The following HSD3B2 variants were observed in gnomAD, a reference collection of about 807,000 sequenced individuals.
HSD3B2 encodes the protein hydroxy-delta-5-steroid dehydrogenase, 3 beta- and steroid delta-isomerase 2.
Under a neutral mutation model 9.9 loss-of-function variants are expected in HSD3B2, and 8 were observed. That is an observed-to-expected ratio of 0.81 (90% CI 0.47 to 1.46). The LOEUF is 1.46. HSD3B2 is among the 40% of genes most tolerant of loss of function. The probability of loss-of-function intolerance (pLI) is 0.00; values close to 1 mark genes in which losing one functional copy is unlikely to be tolerated. For synonymous variants in HSD3B2, 221 were observed against 184.5 expected (o/e 1.20, Z -1.60); for missense variants, 410 against 448.3 (o/e 0.91, Z 0.77).
chr1:119,416,791 A>G (rs1031289613), intron 2 of HSD3B2, among the ~76,000 whole-genome samples: 1 of 152,210 alleles, frequency 6.6e-6, no homozygotes, highest in African/African-American at 2.4e-5. Flanking sequence ...CTGTTCTAAT[A>G]GTGAACAGAT....
chr1:119,419,926 C>T (rs866271755), intron 3 of HSD3B2: 18 of 340,982 alleles, frequency 5.3e-5, no homozygotes, highest in Admixed American at 8.1e-5. Flanking sequence ...TTCAAATTCA[C>T]GATATCCAGC....
At chr1:119,415,869 T>C (rs1408735451) in intron 2 of HSD3B2, among the ~76,000 whole-genome samples, 1 of 152,176 alleles carries the variant, frequency 6.6e-6, no homozygotes, top group Non-Finnish European at 1.5e-5. Flanking sequence ...TCTTATGTTC[T>C]GAAGCTTTTT....
At chr1:119,416,219 G>A (rs1174712430) in intron 2 of HSD3B2, among the ~76,000 whole-genome samples, 1 of 152,076 alleles carries the variant, frequency 6.6e-6, no homozygotes, top group African/African-American at 2.4e-5. Flanking sequence ...AAGAGAGAAA[G>A]AGAGCATGCA....
intron 2 of HSD3B2, among the ~76,000 whole-genome samples, chr1:119,418,555 T>G (rs1193018867): frequency 6.6e-6 from 1 of 152,002 alleles, no homozygotes; most frequent in Non-Finnish European, 1.5e-5. Flanking sequence ...CCTATACCAG[T>G]CTGTTTTATA....
chr1:119,422,365 C>T lies in HSD3B2; in HGVS notation c.864C>T (p.Thr288=). ...ATTCCAGATGGAGCCTTCCTTTAAC[C>T]CTGATGTACTGGATTGGCTTCCTGC... ...RLDSRWSLPL[T]LMYWIGFLLE... Residue 288 remains threonine (T), a synonymous_variant, in exon 4 of 4, where the codon ACC becomes ACT. Coordinates refer to ENST00000369416, the MANE Select transcript of HSD3B2 (RefSeq NM_000198.4). The T allele has an allele frequency of 2.5e-6, 4 of 1,614,160 alleles. No homozygotes were observed. Among genetic ancestry groups the T allele is most frequent in the South Asian group, 1.1e-5 (1 of 91,080 alleles).
Position 119,422,006 on chromosome 1 carries a change from A to G in HSD3B2, c.505A>G (p.Asn169Asp). 6.2e-7 allele frequency: 1 copy of G among 1,614,094 alleles called. No individual in the cohort carries two copies. Among genetic ancestry groups the G allele is most frequent in the South Asian group, 1.1e-5 (1 of 91,084 alleles). ...TGCTGAGAAGGCTGTGCTGGCGGCTAATGGGTGGAATCTAAAAAATGGTGA... is the reference window on the plus strand; with the variant it reads ...TGCTGAGAAGGCTGTGCTGGCGGCTGATGGGTGGAATCTAAAAAATGGTGA... ...KLAEKAVLAA[N>D]GWNLKNGDTL... The change falls in exon 4 of 4, where the codon AAT becomes GAT. Residue 169 changes from asparagine to aspartate, a missense_variant. Asn to Asp is a conservative substitution (Grantham distance 23). Transcript: ENST00000369416.
rs372247413 is a variant in HSD3B2 at position 119,421,477 on chromosome 1, G to GTATATATATATATGTATATATATATGTA, written c.308-321_308-320insATGTATATATATATGTATATATATATAT. Among the ~76,000 whole-genome samples, 9 of 49,852 alleles carry GTATATATATATATGTATATATATATGTA rather than the reference G, an allele frequency of 1.8e-4. No individual in the cohort carries two copies. The East Asian group carries it at 5.0e-3, about 28-fold the overall frequency. The allele number at this position is 49,852 out of a possible 152,430, so 32.7% of individuals were successfully genotyped here. ...TGTATATATATATGTATATATATAT[G>GTATATATATATATGTATATATATATGTA]TATATATATATTTTATAATATATAT... On this transcript the variant is annotated intron_variant, in intron 3 of 3. Transcript: ENST00000369416.
Position 119,422,028 on chromosome 1 carries a change from GTGATACCT to G in HSD3B2, c.530_537del (p.Asp177ValfsTer24). The G allele has an allele frequency of 1.9e-6, 3 of 1,614,120 alleles. No homozygotes were observed. The highest frequency in any genetic ancestry group is 2.5e-6 in the Non-Finnish European group (3 of 1,179,990). On this transcript the variant is annotated frameshift_variant, in exon 4 of 4. Coordinates refer to ENST00000369416, the MANE Select transcript of HSD3B2 (RefSeq NM_000198.4). LOFTEE classifies it low-confidence loss of function (END_TRUNC). ...GCTAATGGGTGGAATCTAAAAAATG[GTGATACCT>G]TGTACACTTGTGCGTTAAGACCCAC...
At chr1:119,421,100 T>A (rs1029562324) in intron 3 of HSD3B2, among the ~76,000 whole-genome samples, 1 of 151,974 alleles carries the variant, frequency 6.6e-6, no homozygotes, top group Non-Finnish European at 1.5e-5. Context: ...CATTGCAAAA[T>A]GAGAAAAATA....
chr1:119,419,921 A>G, intron 3 of HSD3B2: 1 of 347,286 alleles, frequency 2.9e-6, no homozygotes, highest in Non-Finnish European at 5.5e-6. Flanking sequence ...CCAACTTCAA[A>G]TTCACGATAT....
Position 119,421,949 on chromosome 1 carries a change from T to C in HSD3B2, c.448T>C (p.Trp150Arg). 6.2e-7 allele frequency: 1 copy of C among 1,613,992 alleles called. No homozygotes were observed. Among genetic ancestry groups the C allele is most frequent in the South Asian group, 1.1e-5 (1 of 91,074 alleles). Residue 150 changes from tryptophan (W) to arginine (R), a missense_variant, in exon 4 of 4, where the codon TGG (tryptophan) becomes CGG (arginine). Trp to Arg is a moderately radical substitution (Grantham distance 101). Coordinates refer to ENST00000369416, the MANE Select transcript of HSD3B2 (RefSeq NM_000198.4). ...CGAAGAAGAGCCTCTGGAAAACACA[T>C]GGCCCACTCCATACCCGTACAGCAA... ...GHEEEPLENTWPTPYPYSKKL... is the reference protein window; with the variant it reads ...GHEEEPLENTRPTPYPYSKKL...
rs1360211950 is a variant in HSD3B2 at position 119,415,518 on chromosome 1, C to T, written c.99C>T (p.Ala33=). The T allele has an allele frequency of 1.2e-6, 2 of 1,613,936 alleles. No homozygotes were observed. The highest frequency in any genetic ancestry group is 1.1e-5 in the South Asian group (1 of 91,078). Residue 33 remains alanine (A), a synonymous_variant, in exon 2 of 4, where the codon GCC becomes GCT. Coordinates refer to ENST00000369416, the MANE Select transcript of HSD3B2 (RefSeq NM_000198.4). ...VEEKELKEIR[A]LDKAFRPELR... ...AGAAGGAACTGAAGGAGATCAGGGCCTTGGACAAGGCCTTCAGACCAGAAT... is the reference window on the plus strand; with the variant it reads ...AGAAGGAACTGAAGGAGATCAGGGCTTTGGACAAGGCCTTCAGACCAGAAT...
chr1:119,415,807 C>T (rs896007972), intron 2 of HSD3B2, among the ~76,000 whole-genome samples: 2 of 152,172 alleles, frequency 1.3e-5, no homozygotes, highest in Non-Finnish European at 2.9e-5. Flanking sequence ...CTCAAGGCCC[C>T]TTTTCTTCTC....
At position 119,416,315 on chromosome 1, in the gene HSD3B2, T is replaced by A. The variant is rs587603795; in HGVS notation, c.142+754T>A. Reference sequence around the variant, plus strand: ...TTATATTTCTCATATATAGCCTTTTTAAAAAAAAACCATTTGTATCTGTTG... The same window carrying A: ...TTATATTTCTCATATATAGCCTTTTAAAAAAAAAACCATTTGTATCTGTTG... On this transcript the variant is annotated intron_variant, in intron 2 of 3. Transcript: ENST00000369416. 1.7e-4 allele frequency among the ~76,000 whole-genome samples: 26 copies of A among 151,238 alleles called. No homozygotes were observed. The East Asian group carries it at 3.1e-3, about 18-fold the overall frequency.
rs770477643 is a variant in HSD3B2, at chr1:119,422,643, A to T, written c.*23A>T. ...TGATTTAAGGATGACAGAGATGTGC[A>T]TGTGGGTATTGTTAGGAAATGTCAT... On this transcript the variant is annotated 3_prime_UTR_variant, in exon 4 of 4. Coordinates refer to ENST00000369416, the MANE Select transcript of HSD3B2 (RefSeq NM_000198.4). 3.7e-6 allele frequency: 6 copies of T among 1,612,512 alleles called. No individual in the cohort carries two copies. The highest frequency in any genetic ancestry group is 5.1e-6 in the Non-Finnish European group (6 of 1,179,682).
intron 2 of HSD3B2, among the ~76,000 whole-genome samples, chr1:119,415,963 C>A (rs1256060574): frequency 1.3e-5 from 2 of 152,110 alleles, no homozygotes; most frequent in East Asian, 3.8e-4. Context: ...TCTAGACTGC[C>A]CCAGGCTTCA....
rs754040085 is a variant in HSD3B2, at chr1:119,422,161, C to T, written c.660C>T (p.Val220=). ...CAAGTGTTGGAAAGTTCTCTACAGT[C>T]AACCCAGTCTATGTTGGCAACGTGG... ...ILSSVGKFST[V]NPVYVGNVAW... The change falls in exon 4 of 4, where the codon GTC becomes GTT. Residue 220 remains valine (V), a synonymous_variant. Transcript: ENST00000369416. 1 of 1,614,102 alleles carries T rather than the reference C, an allele frequency of 6.2e-7. No individual in the cohort carries two copies. Among genetic ancestry groups the T allele is most frequent in the South Asian group, 1.1e-5 (1 of 91,072 alleles).
intron 2 of HSD3B2, among the ~76,000 whole-genome samples, chr1:119,416,786 C>A (rs1651724376): frequency 1.3e-5 from 2 of 152,212 alleles, no homozygotes; most frequent in Non-Finnish European, 2.9e-5. Flanking sequence ...ACTCTCTGTT[C>A]TAATAGTGAA....
In HSD3B2 at chr1:119,423,017, T is replaced by A. The variant is rs753468192; in HGVS notation, c.*397T>A. 316 of 322,818 alleles carry A rather than the reference T, an allele frequency of 9.8e-4. No homozygotes were observed. The highest frequency in any genetic ancestry group is 1.2e-3 in the Non-Finnish European group (201 of 172,876). The allele number at this position is 322,818 out of a possible 1,614,324, so 20.0% of individuals were successfully genotyped here. On this transcript the variant is annotated 3_prime_UTR_variant, in exon 4 of 4. Transcript: ENST00000369416. ...GTTCAACATAAAGAGCAATAAATGT[T>A]TTAATGCTTAACATGGAGAGAAGCA...
Sources: gnomAD v4.1 joint callset for allele counts (sites outside exome capture counted in the v4.1 genomes callset) on GRCh38, gnomAD v4.1.1 for gene constraint, MANE v1.5 for transcripts, NCBI Gene and HGNC (gene_info 2026-07-23, HGNC 2026-07-21) for gene names.